CSMD1: variants seen among roughly 807,000 people sequenced by gnomAD.
CSMD1 encodes the protein CUB and Sushi multiple domains 1.
Under a neutral mutation model 417.5 loss-of-function variants are expected in CSMD1, and 213 were observed. The ratio of observed to expected loss-of-function variants is 0.51; its 90% CI spans 0.46 to 0.57. The LOEUF (loss-of-function observed/expected upper bound fraction) is 0.57. Among genes scored for constraint, CSMD1 ranks in the 20% least tolerant of loss-of-function variants. The probability of loss-of-function intolerance (pLI) is 0.00; values close to 1 mark genes in which losing one functional copy is unlikely to be tolerated. For missense variants in CSMD1, 6,923 were observed against 4,529.7 expected (o/e 1.53, Z -15.17); for synonymous variants, 2,862 against 1,736.8 (o/e 1.65, Z -16.11).
Position 4,787,819 on chromosome 8 carries a change from C to A in CSMD1, c.86-150261G>T, listed in dbSNP as rs1585098181. The A allele has an allele frequency of 1.9e-6, 3 of 1,573,094 alleles. No individual in the cohort carries two copies. The East Asian group carries it at 6.7e-5, about 35-fold the overall frequency. ...ATTGGATATCATGAGTCATGCTACACAGGCTATATTTGAAATGCTGGAGAA... is the reference window on the plus strand; with the variant it reads ...ATTGGATATCATGAGTCATGCTACAAAGGCTATATTTGAAATGCTGGAGAA... On this transcript the variant is annotated intron_variant, in intron 1 of 69. Coordinates refer to ENST00000635120, the MANE Select transcript of CSMD1 (RefSeq NM_033225.6).
At chr8:3,030,141 A>G (rs1389361459) in intron 50 of CSMD1, among the ~76,000 whole-genome samples, 1 of 152,126 alleles carries the variant, frequency 6.6e-6, no homozygotes, top group Non-Finnish European at 1.5e-5. Context: ...AAAGAGTAGT[A>G]GCAATTGTAA....
intron 3 of CSMD1, among the ~76,000 whole-genome samples, chr8:4,052,539 T>C (rs2130700296): frequency 6.6e-6 from 1 of 152,234 alleles, no homozygotes; most frequent in South Asian, 2.1e-4. Context: ...AGAACGTCAA[T>C]GCACCAAATT....
intron 5 of CSMD1, among the ~76,000 whole-genome samples, chr8:3,822,339 T>A (rs1292867854): frequency 6.6e-6 from 1 of 152,122 alleles, no homozygotes; most frequent in Non-Finnish European, 1.5e-5. Flanking sequence ...AATCTTGACA[T>A]CAAGTACTTT....
intron 6 of CSMD1, among the ~76,000 whole-genome samples, chr8:3,723,347 G>A (rs1009244344): frequency 2.0e-5 from 3 of 152,114 alleles, no homozygotes; most frequent in Admixed American, 6.6e-5. Flanking sequence ...CAGGGCCGCT[G>A]AGCACCATCT....
rs78441207 is a variant in CSMD1, at chr8:4,178,216, A to C, written c.416-146117T>G. On this transcript the variant is annotated intron_variant, in intron 3 of 69. Transcript: ENST00000635120. ...GGCAGACCGAATCCAGCAGCACATC[A>C]AAAAGCTAATCCACTATCATCAAGT... 4.0e-3 allele frequency among the ~76,000 whole-genome samples: 606 copies of C among 152,306 alleles called. 19 individuals carry two copies. The East Asian group carries it at 0.058, about 14-fold the overall frequency.
chr8:4,006,055 G>C (rs190663134), intron 4 of CSMD1, among the ~76,000 whole-genome samples: 2 of 152,160 alleles, frequency 1.3e-5, no homozygotes, highest in African/African-American at 4.8e-5. Flanking sequence ...AACTATTCAA[G>C]GAATGAGCTG....
At chr8:4,283,168 G>A (rs906150847) in intron 3 of CSMD1, among the ~76,000 whole-genome samples, 7 of 152,144 alleles carry the variant, frequency 4.6e-5, no homozygotes, top group African/African-American at 1.7e-4. Context: ...GGTACGTTGA[G>A]AGTCTTTTTT....
intron 26 of CSMD1, among the ~76,000 whole-genome samples, chr8:3,257,760 AG>A (rs966798258): frequency 6.6e-6 from 1 of 152,034 alleles, no homozygotes; most frequent in Non-Finnish European, 1.5e-5. Context: ...GGAGCTGAGA[AG>A]GGGGTGGATG....
intron 3 of CSMD1, among the ~76,000 whole-genome samples, chr8:4,198,939 T>C (rs1421328523): frequency 7.2e-6 from 1 of 138,584 alleles, no homozygotes; most frequent in Admixed American, 6.9e-5. Flanking sequence ...TATTTCCGTG[T>C]GTGTATTTAT....
At chr8:3,909,720 A>C (rs1486396818) in intron 5 of CSMD1, among the ~76,000 whole-genome samples, 3 of 152,112 alleles carry the variant, frequency 2.0e-5, no homozygotes, top group Non-Finnish European at 4.4e-5. Flanking sequence ...CTTGTGTAGC[A>C]AAGGCAAAAG....
chr8:4,432,856 C>G (rs944133824), intron 2 of CSMD1, among the ~76,000 whole-genome samples: 1 of 152,180 alleles, frequency 6.6e-6, no homozygotes, highest in Non-Finnish European at 1.5e-5. Flanking sequence ...TACCAAGGGT[C>G]TCCAACCGCG....
chr8:4,687,893 A>G (rs993849467), intron 1 of CSMD1, among the ~76,000 whole-genome samples: 63 of 152,028 alleles, frequency 4.1e-4, no homozygotes, highest in African/African-American at 1.4e-3. Flanking sequence ...TCAGGAGCCA[A>G]TCTGGATAAC....
chr8:4,917,590 T>C lies in CSMD1; in HGVS notation c.85+76742A>G, dbSNP rs900798743. Among the ~76,000 whole-genome samples the C allele has an allele frequency of 4.6e-5, 7 of 152,120 alleles. No homozygotes were observed. In the East Asian group the frequency reaches 5.8e-4, roughly 13 times the overall value. On this transcript the variant is annotated intron_variant, in intron 1 of 69. Coordinates refer to ENST00000635120, the MANE Select transcript of CSMD1 (RefSeq NM_033225.6). ...CGGAGGTTGCAGTGAGCCGAGATCA[T>C]GCCACTGCACTCCAGCCTGGGCGAC...
intron 2 of CSMD1, among the ~76,000 whole-genome samples, chr8:4,510,000 A>C (rs1475834854): frequency 6.6e-6 from 1 of 152,104 alleles, no homozygotes; most frequent in Non-Finnish European, 1.5e-5. Context: ...TGTAACTCCC[A>C]TAATTCCCAC....
chr8:3,727,108 C>A (rs1006891075), intron 6 of CSMD1, among the ~76,000 whole-genome samples: 17 of 152,252 alleles, frequency 1.1e-4, no homozygotes, highest in African/African-American at 2.9e-4. Flanking sequence ...TTACTACTAT[C>A]CCATAATACC....
chr8:4,143,129 T>C (rs1803892041), intron 3 of CSMD1, among the ~76,000 whole-genome samples: 2 of 135,688 alleles, frequency 1.5e-5, no homozygotes, highest in African/African-American at 5.5e-5. Context: ...AGGATTGGAA[T>C]TAGCATTTCT....
At chr8:3,349,802 TAG>T (rs1491014671) in intron 21 of CSMD1, among the ~76,000 whole-genome samples, 13 of 30,278 alleles carry the variant, frequency 4.3e-4, no homozygotes, top group Middle Eastern at 0.026. Flanking sequence ...TATCTATAAA[TAG>T]ATATAAATAT....
intron 3 of CSMD1, among the ~76,000 whole-genome samples, chr8:4,280,450 G>C (rs867058783): frequency 2.0e-5 from 3 of 152,152 alleles, no homozygotes; most frequent in African/African-American, 4.8e-5. Context: ...ATACCAATCT[G>C]AGCACTTGCA....
At chr8:4,214,501 T>C (rs1335579720) in intron 3 of CSMD1, among the ~76,000 whole-genome samples, 1 of 152,192 alleles carries the variant, frequency 6.6e-6, no homozygotes, top group South Asian at 2.1e-4. Flanking sequence ...TCTTCCTCTG[T>C]TGCCCAGGTT....
Sources: gnomAD v4.1 joint callset for allele counts (sites outside exome capture counted in the v4.1 genomes callset) on GRCh38, gnomAD v4.1.1 for gene constraint, MANE v1.5 for transcripts, NCBI Gene and HGNC (gene_info 2026-07-23, HGNC 2026-07-21) for gene names.